EXTL3: variants seen among roughly 807,000 people sequenced by gnomAD.
EXTL3 encodes exostosin-like 3.
Under a neutral mutation model 69.3 loss-of-function variants are expected in EXTL3, and 27 were observed. The observed-to-expected ratio is 0.39, with a 90% confidence interval of 0.29 to 0.54. The LOEUF (loss-of-function observed/expected upper bound fraction) is 0.54. EXTL3 is among the 20% of genes least tolerant of loss of function. The pLI, the probability that EXTL3 is intolerant of heterozygous loss-of-function variation, is 0.69. For missense variants in EXTL3, 1,003 were observed against 1,231.8 expected, an observed-to-expected ratio of 0.81 and a Z score of 2.78; for synonymous variants, 511 against 499.4, an observed-to-expected ratio of 1.02 and a Z score of -0.31.
chr8:28,682,595 A>G (rs1381957132), intron 1 of EXTL3, among the ~76,000 whole-genome samples: 1 of 152,102 alleles, frequency 6.6e-6, no homozygotes, highest in Non-Finnish European at 1.5e-5. Flanking sequence ...GGCGTGTGCC[A>G]CCATGCCTGG....
At chr8:28,639,227 C>T (rs766016621) in intron 1 of EXTL3, among the ~76,000 whole-genome samples, 10 of 152,026 alleles carry the variant, frequency 6.6e-5, no homozygotes, top group Non-Finnish European at 1.3e-4. Flanking sequence ...TGAGCCACCG[C>T]GCCTGGCCAG....
chr8:28,694,450 AG>A (rs1480775500), intron 1 of EXTL3, among the ~76,000 whole-genome samples: 3 of 152,238 alleles, frequency 2.0e-5, no homozygotes, highest in Non-Finnish European at 4.4e-5. Flanking sequence ...CTACTAATGC[AG>A]CAGACAATTC....
chr8:28,660,915 T>A (rs77025819), intron 1 of EXTL3, among the ~76,000 whole-genome samples: 10,338 of 43,474 alleles, frequency 0.24, 601 homozygotes, highest in African/African-American at 0.39. Context: ...GTTCGTTTCT[T>A]TTTTTTTTTT....
At chr8:28,728,479 C>T (rs750110961) in intron 3 of EXTL3, among the ~76,000 whole-genome samples, 9 of 152,184 alleles carry the variant, frequency 5.9e-5, no homozygotes, top group Non-Finnish European at 4.4e-5. Context: ...GTGGATTTCT[C>T]GGTCTGTTGC....
chr8:28,717,281 C>T lies in EXTL3; in HGVS notation c.1222C>T (p.Leu408=), dbSNP rs527784073. Residue 408 remains leucine, a synonymous_variant, in exon 3 of 7, where the codon CTG becomes TTG. Coordinates refer to ENST00000220562, the MANE Select transcript of EXTL3 (RefSeq NM_001440.4). This position sits in a 1 kb window ranked among gnomAD's most constrained non-coding sequence, Gnocchi z 8.3. ...FTCKNQPKPS[L]PTEWALCGER... ...CTGCAAAAACCAGCCCAAACCCAGC[C>T]TGCCGACTGAGTGGGCACTGTGTGG... The T allele has an allele frequency of 5.6e-6, 9 of 1,614,254 alleles. No homozygotes were observed. Among genetic ancestry groups the T allele is most frequent in the East Asian group, 2.2e-5 (1 of 44,874 alleles).
At chr8:28,633,556 C>A (rs912469994) in intron 1 of EXTL3, among the ~76,000 whole-genome samples, 8 of 151,850 alleles carry the variant, frequency 5.3e-5, no homozygotes, top group Admixed American at 1.3e-4. Context: ...ATCACGTGAA[C>A]CCAGGAGGCG....
rs953707784 is a variant in EXTL3, at chr8:28,750,173, A to G, written c.2551-484A>G. On this transcript the variant is annotated intron_variant, in intron 6 of 6. Transcript: ENST00000220562. This position sits in a 1 kb window ranked among gnomAD's most constrained non-coding sequence, Gnocchi z 5.2. ...AATATGACTAGACTGTAGTATGGCC[A>G]CTTTCCCATGGCTTTAAATGTAGTT... Among the ~76,000 whole-genome samples the G allele has an allele frequency of 3.3e-5, 5 of 152,202 alleles. No individual in the cohort carries two copies. Among genetic ancestry groups the G allele is most frequent in the African/African-American group, 1.2e-4 (5 of 41,454 alleles).
intron 1 of EXTL3, among the ~76,000 whole-genome samples, chr8:28,672,817 C>G (rs558624451): frequency 2.0e-5 from 3 of 152,136 alleles, no homozygotes; most frequent in Admixed American, 6.5e-5. Flanking sequence ...GGCTGTGTCC[C>G]CATCCAAATC....
chr8:28,676,223 C>G (rs1272763240), intron 1 of EXTL3, among the ~76,000 whole-genome samples: 2 of 152,054 alleles, frequency 1.3e-5, no homozygotes, highest in African/African-American at 4.8e-5. Context: ...ACTCACCCAC[C>G]CTGGGAGGGT....
chr8:28,702,389 A>G (rs926117964), intron 1 of EXTL3, among the ~76,000 whole-genome samples: 17 of 152,300 alleles, frequency 1.1e-4, no homozygotes, highest in African/African-American at 3.8e-4. Flanking sequence ...CTCCGAGCCC[A>G]GCGACGGGGA....
chr8:28,701,019 G>T (rs903599173), upstream of EXTL3: 3 of 152,268 alleles, frequency 2.0e-5, no homozygotes, highest in Admixed American at 2.0e-4. Flanking sequence ...AAGCCGCCCG[G>T]CCTTGTCTTT....
Position 28,679,481 on chromosome 8 carries a change from T to C in EXTL3, c.-52-33976T>C, listed in dbSNP as rs568917206. 2.6e-5 allele frequency among the ~76,000 whole-genome samples: 4 copies of C among 152,242 alleles called. No homozygotes were observed. The East Asian group carries it at 7.7e-4, about 29-fold the overall frequency. On this transcript the variant is annotated intron_variant, in intron 1 of 6. Transcript: ENST00000523149. Reference sequence around the variant, plus strand: ...TGTCCAGTCTGGTGGCTCATGCTTATAATTCCAGCACTTTGGGAGGCCAAG... The same window carrying C: ...TGTCCAGTCTGGTGGCTCATGCTTACAATTCCAGCACTTTGGGAGGCCAAG...
At chr8:28,684,016 G>A (rs994425293) in intron 1 of EXTL3, among the ~76,000 whole-genome samples, 1 of 151,920 alleles carries the variant, frequency 6.6e-6, no homozygotes, top group African/African-American at 2.4e-5. Flanking sequence ...CCACAAATAC[G>A]TGAGACCGTG....
chr8:28,638,467 T>C (rs915811795), intron 1 of EXTL3, among the ~76,000 whole-genome samples: 1 of 152,132 alleles, frequency 6.6e-6, no homozygotes, highest in Non-Finnish European at 1.5e-5. Context: ...GTCTCTTGGT[T>C]TGTTTTCCTC....
At chr8:28,640,089 G>A (rs889089539) in intron 1 of EXTL3, among the ~76,000 whole-genome samples, 1 of 152,048 alleles carries the variant, frequency 6.6e-6, no homozygotes, top group Non-Finnish European at 1.5e-5. Flanking sequence ...AACACAGTAA[G>A]ACTCTGTCTC....
At chr8:28,701,979 G>C (rs1379233204) in intron 1 of EXTL3, among the ~76,000 whole-genome samples, 1 of 152,078 alleles carries the variant, frequency 6.6e-6, no homozygotes, top group Admixed American at 6.5e-5. Flanking sequence ...GGCTGCTCGG[G>C]ACCCGCCTCC....
chr8:28,737,113 T>G (rs992817555), intron 4 of EXTL3, among the ~76,000 whole-genome samples: 2 of 152,222 alleles, frequency 1.3e-5, no homozygotes, highest in African/African-American at 2.4e-5. Context: ...CCAAGCCCTT[T>G]CTTGGAAATT....
chr8:28,652,025 T>TGTGTGTGTG (rs1806929256), intron 1 of EXTL3, among the ~76,000 whole-genome samples: 4 of 151,296 alleles, frequency 2.6e-5, no homozygotes, highest in Admixed American at 6.6e-5. Context: ...TAATATTCCA[T>TGTGTGTGTG]TGTGTGTGTG....
At chr8:28,747,679 A>G (rs1037525632) in intron 6 of EXTL3, among the ~76,000 whole-genome samples, 4 of 150,926 alleles carry the variant, frequency 2.7e-5, no homozygotes, top group African/African-American at 9.8e-5. Context: ...ATACATATAT[A>G]TATACACATA....
Sources: gnomAD v4.1 joint callset for allele counts (sites outside exome capture counted in the v4.1 genomes callset) on GRCh38, gnomAD v4.1.1 for gene constraint, Gnocchi (gnomAD v3.1) non-coding constraint, MANE v1.5 for transcripts, NCBI Gene and HGNC (gene_info 2026-07-23, HGNC 2026-07-21) for gene names.